The following CEP112 variants were observed in gnomAD, a reference collection of about 807,000 sequenced individuals.
CEP112 encodes centrosomal protein of 112 kDa.
In CEP112, 127 loss-of-function variants were observed where a neutral mutation model predicts 153.0. That is an observed-to-expected ratio of 0.83 (90% confidence interval 0.72 to 0.96). CEP112 has a LOEUF of 0.96. Among genes scored for constraint, CEP112 ranks in the 40% least tolerant of loss-of-function variants. CEP112 has a pLI of 0.00. For missense variants in CEP112, 1,089 were observed against 1,101.2 expected, an observed-to-expected ratio of 0.99 and a Z score of 0.16; for synonymous variants, 358 against 374.4, an observed-to-expected ratio of 0.96 and a Z score of 0.51.
chr17:65,676,489 T>A (rs1458831197), intron 24 of CEP112, among the ~76,000 whole-genome samples: 1 of 152,142 alleles, frequency 6.6e-6, no homozygotes, highest in Admixed American at 6.5e-5. Flanking sequence ...ATATACTATG[T>A]TCACAGTAAT....
chr17:66,128,302 CAAAAA>C, intron 6 of CEP112, among the ~76,000 whole-genome samples: 1 of 73,548 alleles, frequency 1.4e-5, no homozygotes, highest in South Asian at 7.5e-4. Flanking sequence ...GATTCTGTCT[CAAAAA>C]AAAAAAAAAA....
intron 17 of CEP112, among the ~76,000 whole-genome samples, chr17:65,976,452 C>CA (rs1253884705): frequency 7.5e-5 from 8 of 107,344 alleles, no homozygotes; most frequent in Middle Eastern, 4.7e-3. Context: ...TTTATAACTA[C>CA]AGAAAAAACC....
intron 18 of CEP112, among the ~76,000 whole-genome samples, chr17:65,949,582 C>G (rs2061753349): frequency 6.6e-6 from 1 of 152,080 alleles, no homozygotes; most frequent in Non-Finnish European, 1.5e-5. Context: ...CAGTCCACAG[C>G]AATGTAATAC....
In CEP112 at chr17:65,746,292, A is replaced by G. The variant is rs140396089; in HGVS notation, c.2458-3075T>C. ...TTTTGTGTGGAAAATAAAACCTTAC[A>G]TTCTTTGGGGGAATAAGGAGAGATT... On this transcript the variant is annotated intron_variant, in intron 22 of 26. Coordinates refer to ENST00000535342, the MANE Select transcript of CEP112 (RefSeq NM_001199165.4). 1.9e-3 allele frequency among the ~76,000 whole-genome samples: 292 copies of G among 152,202 alleles called. 9 individuals are homozygous for G. In the East Asian group the frequency reaches 0.052, roughly 27 times the overall value.
rs573518453 is a variant in CEP112, at chr17:65,881,028, G to A, written c.2163+21124C>T. Among the ~76,000 whole-genome samples, 19 of 152,206 alleles carry A rather than the reference G, an allele frequency of 1.2e-4. No homozygotes were observed. The South Asian group carries it at 1.7e-3, about 13-fold the overall frequency. ...TCAGGAGATCCAGACCATCCTGGCT[G>A]ACGCAGTGAAACCCTGTCTCTACTA... On this transcript the variant is annotated intron_variant, in intron 20 of 26. Coordinates refer to ENST00000535342, the MANE Select transcript of CEP112 (RefSeq NM_001199165.4).
intron 21 of CEP112, among the ~76,000 whole-genome samples, chr17:65,833,178 C>T (rs112625069): frequency 0.023 from 3,473 of 152,166 alleles, 68 homozygotes; most frequent in Middle Eastern, 0.058. Flanking sequence ...TAAAAACTCT[C>T]GATAAACCAG....
At chr17:65,973,290 T>C (rs1023392711) in intron 17 of CEP112, among the ~76,000 whole-genome samples, 2 of 152,164 alleles carry the variant, frequency 1.3e-5, no homozygotes, top group Non-Finnish European at 2.9e-5. Context: ...ACCTGCTTTT[T>C]GAAAGAAACC....
At chr17:66,161,496 G>A (rs1169562187) in intron 4 of CEP112, among the ~76,000 whole-genome samples, 4 of 152,062 alleles carry the variant, frequency 2.6e-5, no homozygotes, top group African/African-American at 9.7e-5. Flanking sequence ...GGAATACTAT[G>A]CAGCCATAAA....
chr17:65,769,020 G>A (rs1290077292), intron 21 of CEP112, among the ~76,000 whole-genome samples: 2 of 152,014 alleles, frequency 1.3e-5, no homozygotes, highest in African/African-American at 4.8e-5. Context: ...TGACATGATT[G>A]TGTATGTGAA....
At position 66,070,551 on chromosome 17, in the gene CEP112, T is replaced by C. The variant is rs180692042; in HGVS notation, c.769-550A>G. On this transcript the variant is annotated intron_variant, in intron 8 of 26. Transcript: ENST00000535342. ...CTCTCCCGGAATCATAGACCCCCGC[T>C]CCCTCAAGGGAGTGACTTTATCTCC... Among the ~76,000 whole-genome samples, 316 of 152,250 alleles carry C rather than the reference T, an allele frequency of 2.1e-3. 1 individual carries two copies. The highest frequency in any genetic ancestry group is 3.9e-3 in the Non-Finnish European group (262 of 67,992).
At chr17:65,891,828 G>T (rs2059477928) in intron 20 of CEP112, among the ~76,000 whole-genome samples, 1 of 152,056 alleles carries the variant, frequency 6.6e-6, no homozygotes, top group African/African-American at 2.4e-5. Flanking sequence ...TTTCCTACAG[G>T]GTCTCTGCAC....
intron 26 of CEP112, 34 bp from the exon 27 acceptor site, chr17:65,636,008 T>C (rs2044747865): frequency 6.3e-7 from 1 of 1,589,324 alleles, no homozygotes; most frequent in African/African-American, 1.3e-5. Context: ...CGACTTTCTC[T>C]AGGTTTAACA....
intron 20 of CEP112, among the ~76,000 whole-genome samples, chr17:65,870,014 T>TAAGAAAGAAAGAAAGAAAGAAAGA (rs754013580): frequency 1.2e-3 from 54 of 44,668 alleles, no homozygotes; most frequent in Admixed American, 2.0e-3. Flanking sequence ...AGGTAGAGAA[T>TAAGAAAGAAAGAAAGAAAGAAAGA]AAGAAAGAAA....
At chr17:66,033,700 C>T (rs2065590509) in intron 12 of CEP112, among the ~76,000 whole-genome samples, 1 of 152,236 alleles carries the variant, frequency 6.6e-6, no homozygotes, top group Non-Finnish European at 1.5e-5. Context: ...CAGATCTCTA[C>T]TGCCTATATT....
intron 23 of CEP112, among the ~76,000 whole-genome samples, chr17:65,696,987 C>A (rs1400201609): frequency 6.6e-6 from 1 of 151,844 alleles, no homozygotes; most frequent in Admixed American, 6.6e-5. Flanking sequence ...AATGAAGAGA[C>A]CAGGGGGGTA....
chr17:65,945,432 A>G (rs1438696414), intron 18 of CEP112, among the ~76,000 whole-genome samples: 2 of 152,190 alleles, frequency 1.3e-5, no homozygotes, highest in African/African-American at 2.4e-5. Context: ...AGGCACGCAT[A>G]TATTTAGTTT....
At chr17:65,819,784 CAA>C (rs1455601119) in intron 21 of CEP112, among the ~76,000 whole-genome samples, 1 of 151,858 alleles carries the variant, frequency 6.6e-6, no homozygotes, top group Non-Finnish European at 1.5e-5. Flanking sequence ...TCAAAAGCGT[CAA>C]AGTCATGAAA....
In CEP112 at chr17:65,927,596, G is replaced by A. The variant is rs761308670; in HGVS notation, c.1966C>T (p.Arg656Trp). 40 of 1,593,622 alleles carry A rather than the reference G, an allele frequency of 2.5e-5. No individual in the cohort carries two copies. The highest frequency in any genetic ancestry group is 7.0e-5 in the South Asian group (6 of 86,328). The part of the protein sequence containing the change: ...FLWQLEDIRQ[R>W]YEQQIVELKL... ...GAAAGACCAACCTGTTGTTCATACC[G>A]CTGTCTGATGTCCTCCAGTTGCCAT... The change falls in exon 19 of 27, where the codon CGG becomes TGG. Residue 656 changes from arginine (R) to tryptophan (W), a missense_variant. Physicochemically the swap from Arg to Trp is moderately radical, Grantham distance 101. Transcript: ENST00000535342.
chr17:65,919,035 T>C (rs561344584), intron 19 of CEP112, among the ~76,000 whole-genome samples: 6 of 152,302 alleles, frequency 3.9e-5, no homozygotes, highest in Admixed American at 6.5e-5. Context: ...TTAGACCGGA[T>C]AAGTGCTTTT....
Sources: allele counts gnomAD v4.1 joint callset (sites outside exome capture counted in the v4.1 genomes callset), GRCh38; gene constraint gnomAD v4.1.1; transcripts MANE v1.5; gene names NCBI Gene and HGNC (gene_info 2026-07-23, HGNC 2026-07-21).